Variants in CHST11 observed in about 807,000 individuals in gnomAD.
The protein encoded by CHST11 is C4S-1.
A neutral mutation model predicts 30.4 loss-of-function variants in CHST11; 9 were observed. The observed-to-expected ratio is 0.30, with a 90% CI of 0.18 to 0.52. CHST11 has a LOEUF of 0.52. Among genes scored for constraint, CHST11 ranks in the 20% least tolerant of loss-of-function variants. CHST11 has a pLI of 0.97. For synonymous variants in CHST11, 152 were observed against 187.8 expected, an observed-to-expected ratio of 0.81 and a Z score of 1.56; for missense variants, 348 against 460.6, an observed-to-expected ratio of 0.76 and a Z score of 2.24.
chr12:104,542,953 G>A (rs1704903), intron 1 of CHST11, among the ~76,000 whole-genome samples: 81,185 of 152,002 alleles, frequency 0.53, 22,457 homozygotes, highest in East Asian at 0.82. Flanking sequence ...GGGGACAGTG[G>A]CAACCAGTGT....
chr12:104,651,037 T>A (rs1291583848), intron 2 of CHST11, among the ~76,000 whole-genome samples: 2 of 152,220 alleles, frequency 1.3e-5, no homozygotes, highest in African/African-American at 4.8e-5. Context: ...TTATGTCTAA[T>A]TTTTAGCCCC....
chr12:104,615,796 C>T (rs538791079), intron 2 of CHST11, among the ~76,000 whole-genome samples: 4 of 152,202 alleles, frequency 2.6e-5, no homozygotes, highest in Non-Finnish European at 4.4e-5. Context: ...GGCGTGGTGG[C>T]GGGCACCTGC....
chr12:104,468,623 C>A (rs946578348), intron 1 of CHST11, among the ~76,000 whole-genome samples: 11 of 152,224 alleles, frequency 7.2e-5, no homozygotes, highest in African/African-American at 2.7e-4. Flanking sequence ...ATCAAAGAAT[C>A]ATTCTGCCCA....
rs2038960168 is a variant in CHST11, at chr12:104,601,908, A to T, written c.121A>T (p.Met41Leu). The T allele has an allele frequency of 6.2e-7, 1 of 1,611,534 alleles. No individual in the cohort carries two copies. Among genetic ancestry groups the T allele is most frequent in the Admixed American group, 1.7e-5 (1 of 59,766 alleles). Residue 41 changes from methionine to leucine, a missense_variant and splice_region_variant, in exon 2 of 3, where the codon ATG (methionine) becomes TTG (leucine). Transcript: ENST00000303694. ...GAGCCTTCACTTTCTTTCCTCAGTC[A>T]TGCGGAGGAATCCCTTTGGTGTGGA... ...FYFQSMLHPV[M>L]RRNPFGVDIC...
At chr12:104,721,016 G>C (rs538886893) in intron 2 of CHST11, among the ~76,000 whole-genome samples, 5 of 152,310 alleles carry the variant, frequency 3.3e-5, no homozygotes, top group Non-Finnish European at 7.4e-5. Context: ...CCTCGGCTAA[G>C]CTGGCTTCCT....
chr12:104,567,316 T>C (rs2038577928), intron 1 of CHST11, among the ~76,000 whole-genome samples: 1 of 152,216 alleles, frequency 6.6e-6, no homozygotes, highest in South Asian at 2.1e-4. Context: ...TTACAAAATA[T>C]CTGCCTGCTT....
chr12:104,533,007 C>T (rs2038201021), intron 1 of CHST11, among the ~76,000 whole-genome samples: 1 of 152,136 alleles, frequency 6.6e-6, no homozygotes, highest in African/African-American at 2.4e-5. Flanking sequence ...AACTCCTGGG[C>T]TCAAGCAAAC....
chr12:104,457,804 T>C (rs1367555111), intron 1 of CHST11, among the ~76,000 whole-genome samples: 1 of 133,332 alleles, frequency 7.5e-6, no homozygotes, highest in African/African-American at 2.9e-5. Flanking sequence ...TTTTTTTTTT[T>C]CTTCTTCTTT....
At chr12:104,620,871 T>C (rs1298427559) in intron 2 of CHST11, among the ~76,000 whole-genome samples, 2 of 152,204 alleles carry the variant, frequency 1.3e-5, no homozygotes, top group Non-Finnish European at 2.9e-5. Context: ...TCAATTGCAA[T>C]TGATAATTGA....
chr12:104,651,306 A>T (rs748707196), intron 2 of CHST11, among the ~76,000 whole-genome samples: 3 of 152,196 alleles, frequency 2.0e-5, no homozygotes, highest in Non-Finnish European at 4.4e-5. Flanking sequence ...AAAAGTTAAT[A>T]TGAGCCAAGA....
chr12:104,691,489 ATTT>A (rs527650779), intron 2 of CHST11, among the ~76,000 whole-genome samples: 1 of 137,100 alleles, frequency 7.3e-6, no homozygotes, highest in Non-Finnish European at 1.6e-5. Context: ...TAGAGGCACA[ATTT>A]TTTTTTTTTT....
intron 2 of CHST11, among the ~76,000 whole-genome samples, chr12:104,650,486 A>G (rs1235289993): frequency 6.6e-6 from 1 of 152,180 alleles, no homozygotes; most frequent in Non-Finnish European, 1.5e-5. Flanking sequence ...TGCCAAGTTA[A>G]TCTCACTGAT....
chr12:104,727,559 A>G (rs1323960502), intron 2 of CHST11, among the ~76,000 whole-genome samples: 6 of 152,228 alleles, frequency 3.9e-5, no homozygotes, highest in African/African-American at 7.2e-5. Context: ...AGTGGAGATG[A>G]TAAGACTGGA....
chr12:104,494,772 T>C (rs1397876622), intron 1 of CHST11, among the ~76,000 whole-genome samples: 1 of 152,222 alleles, frequency 6.6e-6, no homozygotes, highest in Non-Finnish European at 1.5e-5. Context: ...TGTTTTGTTT[T>C]GTGGGTAGAT....
chr12:104,513,941 G>C, intron 1 of CHST11: 1 of 544,272 alleles, frequency 1.8e-6, no homozygotes, highest in Non-Finnish European at 3.3e-6. Context: ...CTGAGGCTGA[G>C]TCATTTTTAA....
At chr12:104,733,925 C>A (rs535471457) in intron 2 of CHST11, among the ~76,000 whole-genome samples, 91 of 152,378 alleles carry the variant, frequency 6.0e-4, no homozygotes, top group Non-Finnish European at 1.0e-3. Context: ...GCCATGATGG[C>A]TGCCATGCCC....
chr12:104,656,986 G>C (rs1250338885), intron 2 of CHST11, among the ~76,000 whole-genome samples: 2 of 150,494 alleles, frequency 1.3e-5, no homozygotes, highest in African/African-American at 4.9e-5. Flanking sequence ...AGACCTTCAG[G>C]CATCGTCTGA....
chr12:104,597,201 G>GCTTGTAGGTTGAAAAAGGCCGCCA, intron 1 of CHST11, among the ~76,000 whole-genome samples: 1 of 152,252 alleles, frequency 6.6e-6, no homozygotes, highest in African/African-American at 2.4e-5. Context: ...AACACGAGCG[G>GCTTGTAGGTTGAAAAAGGCCGCCA]CTTGAGTTTA....
chr12:104,494,516 G>A (rs1025443973), intron 1 of CHST11, among the ~76,000 whole-genome samples: 17 of 152,324 alleles, frequency 1.1e-4, no homozygotes, highest in African/African-American at 3.8e-4. Context: ...CATTAAAATA[G>A]AATCCGTTCT....
Sources: allele counts gnomAD v4.1 joint callset (sites outside exome capture counted in the v4.1 genomes callset), GRCh38; gene constraint gnomAD v4.1.1; transcripts MANE v1.5; gene names NCBI Gene and HGNC (gene_info 2026-07-23, HGNC 2026-07-21).